The following POLR3B variants were observed in gnomAD, a reference collection of about 807,000 sequenced individuals.
The protein encoded by POLR3B is DNA-directed RNA polymerase III subunit RPC2.
Under a neutral mutation model 147.4 loss-of-function variants are expected in POLR3B, and 96 were observed. That is an observed-to-expected ratio of 0.65 (90% CI 0.55 to 0.77). The LOEUF (loss-of-function observed/expected upper bound fraction) is 0.77, where lower values mean the gene tolerates loss of function less well. POLR3B is among the 30% of genes least tolerant of loss of function. The probability of loss-of-function intolerance (pLI) is 0.00; values close to 1 mark genes in which losing one functional copy is unlikely to be tolerated. For missense variants in POLR3B, 1,036 were observed against 1,413.5 expected (o/e 0.73, Z 4.28); for synonymous variants, 461 against 485.9 (o/e 0.95, Z 0.67).
intron 20 of POLR3B, among the ~76,000 whole-genome samples, chr12:106,455,902 A>T (rs2037858554): frequency 6.6e-6 from 1 of 152,236 alleles, no homozygotes; most frequent in South Asian, 2.1e-4. Flanking sequence ...TATTTAAAAA[A>T]TTACATTACA....
At chr12:106,430,225 A>G (rs774958028) in intron 13 of POLR3B, 48 bp from the exon 14 acceptor site, 2 of 1,455,126 alleles carry the variant, frequency 1.4e-6, no homozygotes, top group South Asian at 1.1e-5. Flanking sequence ...GTATCAGACA[A>G]CATAGGATTG....
chr12:106,396,470 C>G lies in POLR3B; in HGVS notation c.846+3317C>G, dbSNP rs1190024006. ...ACAGAGTTTCATTCAATTCCAAACA[C>G]TGTACTAATCACTGGGAGTCAAAGA... is the stretch of plus-strand genomic sequence containing the variant. On this transcript the variant is annotated intron_variant, in intron 10 of 27. Coordinates refer to ENST00000228347, the MANE Select transcript of POLR3B (RefSeq NM_018082.6). Among the ~76,000 whole-genome samples the G allele has an allele frequency of 3.3e-5, 5 of 152,188 alleles. No homozygotes were observed. In the East Asian group the frequency reaches 9.6e-4, roughly 29 times the overall value.
At chr12:106,503,354 G>T (rs554983589) in intron 26 of POLR3B, among the ~76,000 whole-genome samples, 3 of 152,312 alleles carry the variant, frequency 2.0e-5, no homozygotes, top group Non-Finnish European at 2.9e-5. Flanking sequence ...AAGATTAAAA[G>T]ATGCTATGGA....
intron 12 of POLR3B, among the ~76,000 whole-genome samples, chr12:106,412,888 A>G (rs547141327): frequency 7.6e-4 from 115 of 152,238 alleles, no homozygotes; most frequent in Middle Eastern, 3.4e-3. Context: ...CTAAAAACTG[A>G]TTATGTTGAA....
chr12:106,367,812 G>T (rs2036553689), intron 4 of POLR3B, among the ~76,000 whole-genome samples: 1 of 152,054 alleles, frequency 6.6e-6, no homozygotes, highest in Non-Finnish European at 1.5e-5. Context: ...GACATTCTTT[G>T]AGACTATGCA....
intron 23 of POLR3B, among the ~76,000 whole-genome samples, chr12:106,485,242 A>G (rs2038321904): frequency 6.6e-6 from 1 of 152,158 alleles, no homozygotes; most frequent in South Asian, 2.1e-4. Flanking sequence ...GTCCTGAGAT[A>G]AGTAACCCAA....
chr12:106,380,930 A>G (rs975550132), intron 9 of POLR3B, among the ~76,000 whole-genome samples: 2 of 152,228 alleles, frequency 1.3e-5, no homozygotes, highest in Non-Finnish European at 2.9e-5. Context: ...GAGTCACACA[A>G]ATATGTTAGT....
At chr12:106,434,493 A>G (rs1012454326) in intron 16 of POLR3B, among the ~76,000 whole-genome samples, 1 of 151,938 alleles carries the variant, frequency 6.6e-6, no homozygotes, top group African/African-American at 2.4e-5. Context: ...ACTAGATCCA[A>G]TGGAAAAGTA....
intron 23 of POLR3B, among the ~76,000 whole-genome samples, chr12:106,490,072 T>C (rs963641200): frequency 6.6e-6 from 1 of 152,206 alleles, no homozygotes; most frequent in Non-Finnish European, 1.5e-5. Flanking sequence ...TTTTATGGAA[T>C]TGACTTTTTT....
intron 14 of POLR3B, among the ~76,000 whole-genome samples, 176 bp from the exon 15 acceptor site, chr12:106,432,140 CCT>C (rs1307864045): frequency 1.3e-5 from 2 of 152,078 alleles, no homozygotes; most frequent in African/African-American, 2.4e-5. Flanking sequence ...GAGAAATTCC[CCT>C]GAGTTAAGGG....
At chr12:106,465,646 T>A (rs561640670) in intron 23 of POLR3B, among the ~76,000 whole-genome samples, 1 of 152,310 alleles carries the variant, frequency 6.6e-6, no homozygotes, top group South Asian at 2.1e-4. Flanking sequence ...CGGTGTGTGA[T>A]GTTCCCCTCC....
chr12:106,478,631 C>T (rs2038216610), intron 23 of POLR3B, among the ~76,000 whole-genome samples: 1 of 151,884 alleles, frequency 6.6e-6, no homozygotes, highest in Non-Finnish European at 1.5e-5. Flanking sequence ...AAAAAACAAG[C>T]AAACAAACAA....
At chr12:106,443,118 T>C (rs946460138) in intron 18 of POLR3B, among the ~76,000 whole-genome samples, 7 of 152,204 alleles carry the variant, frequency 4.6e-5, no homozygotes, top group African/African-American at 1.7e-4. Context: ...ATAATAGTTT[T>C]ATTTGTCAAC....
chr12:106,497,951 C>A (rs1274500326), intron 25 of POLR3B, among the ~76,000 whole-genome samples: 1 of 152,172 alleles, frequency 6.6e-6, no homozygotes, highest in African/African-American at 2.4e-5. Context: ...TAGAATGTAA[C>A]CTCCATGAAA....
chr12:106,482,366 A>C (rs979469987), intron 23 of POLR3B, among the ~76,000 whole-genome samples: 1 of 152,202 alleles, frequency 6.6e-6, no homozygotes, highest in Non-Finnish European at 1.5e-5. Flanking sequence ...TGGATAATTT[A>C]TAAAGAAAAG....
At chr12:106,388,420 C>A (rs759046361) in intron 9 of POLR3B, among the ~76,000 whole-genome samples, 8 of 152,036 alleles carry the variant, frequency 5.3e-5, no homozygotes, top group Non-Finnish European at 1.0e-4. Flanking sequence ...CTGGTTCAAG[C>A]GATTCTTCTG....
At chr12:106,432,115 C>G (rs1263334913) in intron 14 of POLR3B, among the ~76,000 whole-genome samples, 1 of 152,038 alleles carries the variant, frequency 6.6e-6, no homozygotes, top group Non-Finnish European at 1.5e-5. Context: ...ATTTTATATC[C>G]TTGCTTGTTA....
intron 23 of POLR3B, among the ~76,000 whole-genome samples, chr12:106,469,249 G>A (rs901087939): frequency 6.7e-6 from 1 of 148,948 alleles, no homozygotes; most frequent in Non-Finnish European, 1.5e-5. Flanking sequence ...CTTTATCAGA[G>A]ACCAGGATTG....
chr12:106,406,572 A>G (rs528987892), intron 11 of POLR3B, among the ~76,000 whole-genome samples: 1 of 152,314 alleles, frequency 6.6e-6, no homozygotes, highest in East Asian at 1.9e-4. Context: ...TAAAGTTCAC[A>G]TTATCCAGCC....
Sources: gnomAD v4.1 joint callset for allele counts (sites outside exome capture counted in the v4.1 genomes callset) on GRCh38, gnomAD v4.1.1 for gene constraint, MANE v1.5 for transcripts, NCBI Gene and HGNC (gene_info 2026-07-23, HGNC 2026-07-21) for gene names.